RBM18: variants seen among roughly 807,000 people sequenced by gnomAD.
RBM18 encodes RNA binding motif protein 18, also known as probable RNA-binding protein 18.
RBM18 carries 18 observed loss-of-function variants against 26.4 expected under a neutral mutation model. The observed-to-expected ratio is 0.68, with a 90% confidence interval of 0.47 to 1.01. The LOEUF is 1.01. RBM18 is among the 50% of genes least tolerant of loss of function. The pLI, the probability that RBM18 is intolerant of heterozygous loss-of-function variation, is 0.00. For missense variants in RBM18, 180 were observed against 219.2 expected, an observed-to-expected ratio of 0.82 and a Z score of 1.13; for synonymous variants, 74 against 81.1, an observed-to-expected ratio of 0.91 and a Z score of 0.47.
rs527324474 is a variant in RBM18 at position 122,240,309 on chromosome 9, C to T, written c.*1575G>A. On this transcript the variant is annotated 3_prime_UTR_variant, in exon 6 of 6. Transcript: ENST00000417201. ...TATCCCCCAAATAGGAGGAGAGTTA[C>T]TTGCATCATAGACAGACACAGCTAA... 2 of 152,180 alleles carry T rather than the reference C, an allele frequency of 1.3e-5. No homozygotes were observed. The highest frequency in any genetic ancestry group is 6.5e-5 in the Admixed American group (1 of 15,272). 9.4% of individuals were successfully genotyped at this position (152,180 alleles called of 1,614,324 possible). A position where few individuals can be genotyped will look rare whatever the true frequency, so the allele number is the denominator to read the frequency against.
intron 2 of RBM18, among the ~76,000 whole-genome samples, chr9:122,257,965 A>G (rs924610822): frequency 7.2e-5 from 11 of 152,228 alleles, no homozygotes; most frequent in African/African-American, 2.7e-4. Flanking sequence ...TTTGGATTCA[A>G]GCAATACTTT....
At chr9:122,257,695 A>C (rs961039484) in intron 2 of RBM18, among the ~76,000 whole-genome samples, 24 of 152,254 alleles carry the variant, frequency 1.6e-4, no homozygotes, top group Non-Finnish European at 1.5e-5. Context: ...TGTTTTACAT[A>C]TTCATTCATA....
At chr9:122,248,090 C>G (rs1018792573) in intron 3 of RBM18, among the ~76,000 whole-genome samples, 1 of 152,034 alleles carries the variant, frequency 6.6e-6, no homozygotes, top group Non-Finnish European at 1.5e-5. Context: ...TGGCTAAGGG[C>G]GTGAATTTTT....
Position 122,238,359 on chromosome 9 carries a change from G to C in RBM18, c.*3525C>G, listed in dbSNP as rs1288677362. 1.3e-5 allele frequency: 2 copies of C among 152,238 alleles called. No homozygotes were observed. 9.4% of individuals were successfully genotyped at this position (152,238 alleles called of 1,614,324 possible). A position where few individuals can be genotyped will look rare whatever the true frequency, so the allele number is the denominator to read the frequency against. On this transcript the variant is annotated 3_prime_UTR_variant, in exon 6 of 6. Transcript: ENST00000417201. ...AATTTAGATATAATGTTGGTTAGCG[G>C]TAAGTGCTTTTGAGAAAATCGTGAG...
chr9:122,250,590 C>T (rs772154837), intron 3 of RBM18, among the ~76,000 whole-genome samples: 1 of 152,198 alleles, frequency 6.6e-6, no homozygotes, highest in Non-Finnish European at 1.5e-5. Flanking sequence ...CACGTACATA[C>T]AAACACCAGT....
At chr9:122,253,175 G>C (rs963172024) in intron 2 of RBM18, among the ~76,000 whole-genome samples, 12 of 152,130 alleles carry the variant, frequency 7.9e-5, no homozygotes, top group African/African-American at 2.9e-4. Context: ...TATTCACATT[G>C]TTTTCTAAGA....
chr9:122,254,596 A>C (rs1471091781), intron 2 of RBM18, among the ~76,000 whole-genome samples: 1 of 152,230 alleles, frequency 6.6e-6, no homozygotes, highest in East Asian at 1.9e-4. Flanking sequence ...CCCCACACAC[A>C]TATCTGCAAC....
chr9:122,263,377 G>GA (rs1310735063), intron 1 of RBM18, among the ~76,000 whole-genome samples: 1 of 152,238 alleles, frequency 6.6e-6, no homozygotes. Flanking sequence ...GGAGAAAGGT[G>GA]AAACAGACAT....
chr9:122,254,844 G>C (rs1016596475), intron 2 of RBM18, among the ~76,000 whole-genome samples: 1 of 152,214 alleles, frequency 6.6e-6, no homozygotes, highest in Non-Finnish European at 1.5e-5. Context: ...TGTACACAGA[G>C]GGATGAATAC....
chr9:122,242,193 A>C (rs1263130554), intron 5 of RBM18, 150 bp from the exon 6 acceptor site: 5 of 774,282 alleles, frequency 6.5e-6, no homozygotes, highest in Non-Finnish European at 9.9e-6. Flanking sequence ...AAAGCCAGAA[A>C]TAACTAATTC....
chr9:122,248,252 T>C (rs1305829395), intron 3 of RBM18, among the ~76,000 whole-genome samples: 1 of 152,174 alleles, frequency 6.6e-6, no homozygotes, highest in Non-Finnish European at 1.5e-5. Context: ...TATTCCTCAG[T>C]GGTTGTGAGG....
chr9:122,248,493 A>C (rs1277036403), intron 3 of RBM18, among the ~76,000 whole-genome samples: 2 of 152,198 alleles, frequency 1.3e-5, no homozygotes, highest in African/African-American at 4.8e-5. Context: ...GGAGTCAAGG[A>C]AACTAGGCCG....
At chr9:122,251,627 G>C (rs1831607453) in intron 3 of RBM18, among the ~76,000 whole-genome samples, 1 of 152,212 alleles carries the variant, frequency 6.6e-6, no homozygotes, top group African/African-American at 2.4e-5. Context: ...ATGTAGGTGA[G>C]TCAGTTGCCT....
At chr9:122,251,999 T>C in intron 2 of RBM18, 26 bp from the exon 3 acceptor site, 2 of 1,611,292 alleles carry the variant, frequency 1.2e-6, no homozygotes, top group Non-Finnish European at 1.7e-6. Context: ...AGTCCATGAG[T>C]ATGCTCTGGG....
chr9:122,262,322 T>TC (rs1554815238), intron 1 of RBM18, among the ~76,000 whole-genome samples: 1 of 152,212 alleles, frequency 6.6e-6, no homozygotes, highest in Non-Finnish European at 1.5e-5. Flanking sequence ...AGTTCCCTCA[T>TC]CTGTAAAATG....
intron 1 of RBM18, among the ~76,000 whole-genome samples, chr9:122,263,539 G>C (rs1312368744): frequency 6.6e-6 from 1 of 152,158 alleles, no homozygotes; most frequent in African/African-American, 2.4e-5. Context: ...GAACAAGCAA[G>C]GTCCCTATCC....
intron 3 of RBM18, 146 bp downstream of exon 3, chr9:122,251,701 C>T (rs2118962602): frequency 1.5e-6 from 1 of 685,140 alleles, no homozygotes. Flanking sequence ...TTGAGGATCC[C>T]TTATAGGACT....
At chr9:122,261,229 A>G in intron 2 of RBM18, 151 bp downstream of exon 2, 1 of 623,458 alleles carries the variant, frequency 1.6e-6, no homozygotes, top group Non-Finnish European at 2.9e-6. Flanking sequence ...AAGTGACAAG[A>G]TAACAGGCTA....
In RBM18 at chr9:122,239,224, G is replaced by GATT. The variant is rs1554812640; in HGVS notation, c.*2659_*2660insAAT. ...CTGATTTTTGACCTGTTTTGTTTTTGTTTTTTTTGAGACGGTGTCTCACTC... is the reference window on the plus strand; with the variant it reads ...CTGATTTTTGACCTGTTTTGTTTTTGATTTTTTTTTTGAGACGGTGTCTCACTC... On this transcript the variant is annotated 3_prime_UTR_variant, in exon 6 of 6. Coordinates refer to ENST00000417201, the MANE Select transcript of RBM18 (RefSeq NM_033117.4). 2 of 151,366 alleles carry GATT rather than the reference G, an allele frequency of 1.3e-5. No individual in the cohort carries two copies. The highest frequency in any genetic ancestry group is 2.9e-5 in the Non-Finnish European group (2 of 67,852). 9.4% of individuals were successfully genotyped at this position (151,366 alleles called of 1,614,324 possible). A position where few individuals can be genotyped will look rare whatever the true frequency, so the allele number is the denominator to read the frequency against.
Sources: gnomAD v4.1 joint callset for allele counts (sites outside exome capture counted in the v4.1 genomes callset) on GRCh38, gnomAD v4.1.1 for gene constraint, MANE v1.5 for transcripts, NCBI Gene and HGNC (gene_info 2026-07-23, HGNC 2026-07-21) for gene names.